SLC6A2: variants seen among roughly 807,000 people sequenced by gnomAD.
SLC6A2 encodes the protein solute carrier family 6 member 2, also known as sodium-dependent noradrenaline transporter.
Under a neutral mutation model 71.7 loss-of-function variants are expected in SLC6A2, and 26 were observed. That is an observed-to-expected ratio of 0.36 (90% CI 0.27 to 0.50). SLC6A2 has a LOEUF of 0.50. Ranked by LOEUF, SLC6A2 falls within the 20% of genes least tolerant of loss-of-function variation. SLC6A2 has a pLI of 0.96. For synonymous variants in SLC6A2, 363 were observed against 337.9 expected (o/e 1.07, Z -0.82); for missense variants, 581 against 803.9 (o/e 0.72, Z 3.35).
intron 2 of SLC6A2, among the ~76,000 whole-genome samples, chr16:55,664,561 G>T (rs1419184957): frequency 6.6e-6 from 1 of 152,196 alleles, no homozygotes; most frequent in Non-Finnish European, 1.5e-5. Context: ...GGACAGAGCT[G>T]CTGCACATCT....
At chr16:55,670,860 G>GT (rs1219747799) in intron 3 of SLC6A2, among the ~76,000 whole-genome samples, 13 of 152,354 alleles carry the variant, frequency 8.5e-5, no homozygotes, top group African/African-American at 3.1e-4. Context: ...TGGAGGAAGA[G>GT]TGGGGAGTAG....
Position 55,699,624 on chromosome 16 carries a change from C to A in SLC6A2, c.1560C>A (p.Cys520Ter). The A allele has an allele frequency of 6.2e-7, 1 of 1,614,034 alleles. No individual in the cohort carries two copies. Among genetic ancestry groups the A allele is most frequent in the Non-Finnish European group, 8.5e-7 (1 of 1,179,898 alleles). ...GGCCGGGTCTATACTGGAGACTGTG[C>A]TGGAAGTTCGTCAGTCCTGCCTTCC... is the stretch of plus-strand genomic sequence containing the variant. Reference protein sequence around the residue: ...GFRPGLYWRLCWKFVSPAFLL... With the variant: ...GFRPGLYWRL The change falls in exon 12 of 15, where the codon TGC becomes TGA. Residue 520 changes from cysteine (C) to a stop codon, truncating the protein, a stop_gained. Transcript: ENST00000568943. LOFTEE classifies it high-confidence loss of function.
chr16:55,672,395 C>A (rs531236866), intron 4 of SLC6A2, among the ~76,000 whole-genome samples: 5 of 152,220 alleles, frequency 3.3e-5, no homozygotes, highest in Non-Finnish European at 7.4e-5. Flanking sequence ...TGGAGGCGGG[C>A]AAGATAATAC....
At chr16:55,671,600 T>C (rs1964916735) in intron 3 of SLC6A2, 1 of 502,034 alleles carries the variant, frequency 2.0e-6, no homozygotes, top group Non-Finnish European at 3.5e-6. Flanking sequence ...CCGCCTCCTG[T>C]CAGATCAGCC....
chr16:55,684,337 C>G (rs180813732), intron 4 of SLC6A2, among the ~76,000 whole-genome samples: 54 of 151,588 alleles, frequency 3.6e-4, no homozygotes, highest in African/African-American at 1.2e-3. Flanking sequence ...CAAAACTCCA[C>G]TTTATAAATA....
At chr16:55,686,563 C>CCT (rs1965458476) in intron 5 of SLC6A2, among the ~76,000 whole-genome samples, 1 of 152,066 alleles carries the variant, frequency 6.6e-6, no homozygotes, top group African/African-American at 2.4e-5. Flanking sequence ...AGGTGGGTGT[C>CCT]AATTTGGGAG....
intron 2 of SLC6A2, among the ~76,000 whole-genome samples, chr16:55,661,321 A>G (rs935885015): frequency 1.6e-4 from 24 of 152,170 alleles, no homozygotes; most frequent in African/African-American, 5.5e-4. Context: ...TCAGGGTCTG[A>G]GTCTAACTTT....
At chr16:55,689,575 G>C (rs1965551659) in intron 5 of SLC6A2, among the ~76,000 whole-genome samples, 1 of 152,236 alleles carries the variant, frequency 6.6e-6, no homozygotes, top group Non-Finnish European at 1.5e-5. Context: ...CAGGGCTGCA[G>C]CTATTGACAT....
At chr16:55,657,835 A>G (rs1178635957) in intron 2 of SLC6A2, among the ~76,000 whole-genome samples, 1 of 152,188 alleles carries the variant, frequency 6.6e-6, no homozygotes, top group Non-Finnish European at 1.5e-5. Context: ...AGAATAACAT[A>G]GAACCCCGGG....
At chr16:55,669,445 C>A (rs895390199) in intron 2 of SLC6A2, 120 bp from the exon 3 acceptor site, 3 of 952,326 alleles carry the variant, frequency 3.2e-6, no homozygotes, top group Non-Finnish European at 5.1e-6. Context: ...TGCTGCGCGT[C>A]GCCTTTGGAA....
intron 6 of SLC6A2, among the ~76,000 whole-genome samples, chr16:55,692,391 C>T (rs752015458): frequency 1.5e-4 from 23 of 152,200 alleles, no homozygotes; most frequent in Non-Finnish European, 3.2e-4. Flanking sequence ...CTAGTCCACC[C>T]CAGCCATTCC....
intron 2 of SLC6A2, among the ~76,000 whole-genome samples, chr16:55,663,729 G>A (rs1202832351): frequency 2.0e-5 from 3 of 152,090 alleles, no homozygotes; most frequent in Non-Finnish European, 2.9e-5. Flanking sequence ...ATTGGGGCAC[G>A]TTAGGCCTCA....
In SLC6A2 at chr16:55,695,177, T is replaced by C. The variant is rs1288013198; in HGVS notation, c.1023-101T>C. ...GAGCCACTGAAGGGGGGATGGCCTTTGAGGCTGGGGCCAGGCTGCAGGTTC... is the reference window on the plus strand; with the variant it reads ...GAGCCACTGAAGGGGGGATGGCCTTCGAGGCTGGGGCCAGGCTGCAGGTTC... On this transcript the variant is annotated intron_variant, in intron 7 of 14. Coordinates refer to ENST00000568943, the MANE Select transcript of SLC6A2 (RefSeq NM_001172501.3). 3 of 1,443,186 alleles carry C rather than the reference T, an allele frequency of 2.1e-6. No individual in the cohort carries two copies. The Admixed American group carries it at 5.0e-5, about 24-fold the overall frequency. The allele number at this position is 1,443,186 out of a possible 1,614,324, so 89.4% of individuals were successfully genotyped here.
chr16:55,689,035 C>T (rs185854754), intron 5 of SLC6A2, among the ~76,000 whole-genome samples: 13 of 152,282 alleles, frequency 8.5e-5, no homozygotes, highest in Non-Finnish European at 1.2e-4. Context: ...CAATGGGCTG[C>T]TCATTGCTTT....
chr16:55,659,332 G>A (rs147078059), intron 2 of SLC6A2, among the ~76,000 whole-genome samples: 2 of 152,288 alleles, frequency 1.3e-5, no homozygotes, highest in African/African-American at 4.8e-5. Flanking sequence ...CATTGACACT[G>A]TGTGCTCTTT....
In SLC6A2 at chr16:55,703,246, A is replaced by C. The variant is rs1286598320; in HGVS notation, c.*900A>C. 1.0e-6 allele frequency: 1 copy of C among 985,404 alleles called. No individual in the cohort carries two copies. The highest frequency in any genetic ancestry group is 1.2e-6 in the Non-Finnish European group (1 of 830,008). The allele number at this position is 985,404 out of a possible 1,614,324, so 61.0% of individuals were successfully genotyped here. On this transcript the variant is annotated 3_prime_UTR_variant, in exon 15 of 15. Transcript: ENST00000568943. ...GGGAAACGGGGGCAGGGACCAAGTGAGGCCTCATGTGTGTCTTCACCGTGC... is the reference window on the plus strand; with the variant it reads ...GGGAAACGGGGGCAGGGACCAAGTGCGGCCTCATGTGTGTCTTCACCGTGC...
chr16:55,683,656 AG>A (rs1965352812), intron 4 of SLC6A2, among the ~76,000 whole-genome samples: 8 of 151,950 alleles, frequency 5.3e-5, no homozygotes, highest in South Asian at 2.1e-4. Context: ...ACAAAACAAA[AG>A]AAAAAAAACC....
intron 4 of SLC6A2, among the ~76,000 whole-genome samples, chr16:55,683,578 A>G (rs1411561073): frequency 6.6e-6 from 1 of 152,090 alleles, no homozygotes; most frequent in African/African-American, 2.4e-5. Flanking sequence ...GCACCATTGC[A>G]CTCCAGCCTG....
At chr16:55,669,759 A>G in intron 3 of SLC6A2, 63 bp downstream of exon 3, 1 of 1,584,250 alleles carries the variant, frequency 6.3e-7, no homozygotes, top group Non-Finnish European at 8.7e-7. Flanking sequence ...CCCTTGGGGA[A>G]TCTGCTCCAG....
Sources: allele counts gnomAD v4.1 joint callset (sites outside exome capture counted in the v4.1 genomes callset), GRCh38; gene constraint gnomAD v4.1.1; transcripts MANE v1.5; gene names NCBI Gene and HGNC (gene_info 2026-07-23, HGNC 2026-07-21).